Variants in LRRC4C observed in about 807,000 individuals in gnomAD.
The protein encoded by LRRC4C is leucine-rich repeat-containing protein 4C.
A neutral mutation model predicts 33.6 loss-of-function variants in LRRC4C; 5 were observed. The observed-to-expected ratio is 0.15, with a 90% CI of 0.08 to 0.31. LRRC4C has a LOEUF of 0.31. Among genes scored for constraint, LRRC4C ranks in the 10% least tolerant of loss-of-function variants. The pLI is 1.00. For missense variants in LRRC4C, 560 were observed against 796.7 expected (o/e 0.70, Z 3.58); for synonymous variants, 329 against 302.0 (o/e 1.09, Z -0.93).
intron 3 of LRRC4C, among the ~76,000 whole-genome samples, chr11:40,646,569 C>T (rs1213387901): frequency 6.6e-6 from 1 of 152,170 alleles, no homozygotes; most frequent in African/African-American, 2.4e-5. Context: ...GAAAAAAAGA[C>T]AATTACATAT....
At chr11:40,925,561 T>C (rs1440581328) in intron 2 of LRRC4C, among the ~76,000 whole-genome samples, 1 of 152,148 alleles carries the variant, frequency 6.6e-6, no homozygotes, top group East Asian at 1.9e-4. Context: ...ATTGAAGTTG[T>C]TTGTTCCACA....
intron 1 of LRRC4C, among the ~76,000 whole-genome samples, chr11:41,320,190 C>T (rs111688687): frequency 0.012 from 1,806 of 152,234 alleles, 42 homozygotes; most frequent in African/African-American, 0.041. Context: ...ATCTGTGCAA[C>T]TCTGCAACTT....
chr11:40,211,085 C>A (rs577591259), intron 5 of LRRC4C, among the ~76,000 whole-genome samples: 3 of 152,258 alleles, frequency 2.0e-5, no homozygotes, highest in Admixed American at 6.5e-5. Context: ...CCAAAAAATA[C>A]CATATCTTAT....
At chr11:41,051,520 CA>C (rs530003573) in intron 1 of LRRC4C, among the ~76,000 whole-genome samples, 3 of 60,286 alleles carry the variant, frequency 5.0e-5, no homozygotes, top group Non-Finnish European at 8.5e-5. Flanking sequence ...GGTCTCAAGG[CA>C]AAAAAAAAAA....
At chr11:40,154,051 T>A (rs1397903895) in intron 5 of LRRC4C, among the ~76,000 whole-genome samples, 4 of 152,038 alleles carry the variant, frequency 2.6e-5, no homozygotes, top group Non-Finnish European at 5.9e-5. Flanking sequence ...AGGTAACCTA[T>A]AAAGGAAAAT....
intron 1 of LRRC4C, among the ~76,000 whole-genome samples, chr11:41,380,156 T>C (rs1476973519): frequency 6.6e-6 from 1 of 152,182 alleles, no homozygotes; most frequent in Non-Finnish European, 1.5e-5. Flanking sequence ...AATAGAGTTT[T>C]ATTTAAAATT....
intron 1 of LRRC4C, among the ~76,000 whole-genome samples, chr11:41,334,171 T>C (rs1951379363): frequency 6.6e-6 from 1 of 152,194 alleles, no homozygotes; most frequent in African/African-American, 2.4e-5. Flanking sequence ...CTCTAAGTAC[T>C]GTTTTTGCTC....
Position 40,746,236 on chromosome 11 carries a change from T to A in LRRC4C, c.-406-97958A>T, listed in dbSNP as rs183650613. Among the ~76,000 whole-genome samples, 82 of 152,136 alleles carry A rather than the reference T, an allele frequency of 5.4e-4. No homozygotes were observed. The Middle Eastern group carries it at 0.01, about 19-fold the overall frequency. The stretch of plus-strand genomic sequence containing the variant: ...GCCCTAAAACTAACACTAGGAGCTG[T>A]CAGGAGACTGTGCAACGGCACCGCT... On this transcript the variant is annotated intron_variant, in intron 2 of 6. Transcript: ENST00000528697.
At chr11:41,179,135 TGA>T (rs951624404) in intron 1 of LRRC4C, among the ~76,000 whole-genome samples, 4 of 151,232 alleles carry the variant, frequency 2.6e-5, no homozygotes, top group Non-Finnish European at 5.9e-5. Flanking sequence ...TAATAAAGAA[TGA>T]GAGAGATAAA....
In LRRC4C at chr11:41,427,732, G is replaced by A. The variant is rs1233579430; in HGVS notation, c.-496+31699C>T. Among the ~76,000 whole-genome samples the A allele has an allele frequency of 2.0e-5, 3 of 152,128 alleles. No homozygotes were observed. The East Asian group carries it at 5.8e-4, about 29-fold the overall frequency. On this transcript the variant is annotated intron_variant, in intron 1 of 6. Transcript: ENST00000528697. The stretch of plus-strand genomic sequence containing the variant: ...CCTGTGACCTGCAAGTATACATCCA[G>A]ATGGCCTGAAGTAACTGAAGAATCA...
intron 3 of LRRC4C, among the ~76,000 whole-genome samples, chr11:40,504,959 A>T (rs1954960355): frequency 6.6e-6 from 1 of 152,204 alleles, no homozygotes; most frequent in African/African-American, 2.4e-5. Flanking sequence ...TAGCATATTT[A>T]AAAAATTCTT....
intron 1 of LRRC4C, among the ~76,000 whole-genome samples, chr11:41,012,777 A>T (rs1423601982): frequency 6.6e-6 from 1 of 152,164 alleles, no homozygotes; most frequent in African/African-American, 2.4e-5. Context: ...TATAGAAGAC[A>T]TTTTAACTGG....
At chr11:40,656,819 A>G (rs1367087020) in intron 2 of LRRC4C, among the ~76,000 whole-genome samples, 1 of 152,214 alleles carries the variant, frequency 6.6e-6, no homozygotes, top group Middle Eastern at 3.2e-3. Context: ...CCACAAGGCC[A>G]CCAAATTTGT....
chr11:41,372,475 A>C (rs1011243135), intron 1 of LRRC4C, among the ~76,000 whole-genome samples: 2 of 152,190 alleles, frequency 1.3e-5, no homozygotes, highest in Non-Finnish European at 2.9e-5. Context: ...GATCAGTTTT[A>C]CTTCAGCAGG....
intron 3 of LRRC4C, among the ~76,000 whole-genome samples, chr11:40,634,647 A>T (rs1565582558): frequency 6.6e-6 from 1 of 152,040 alleles, no homozygotes; most frequent in Non-Finnish European, 1.5e-5. Context: ...AGGCAGGAAG[A>T]TCCCTTGAGC....
intron 3 of LRRC4C, among the ~76,000 whole-genome samples, chr11:40,557,556 C>T (rs930598025): frequency 6.6e-5 from 10 of 152,148 alleles, no homozygotes; most frequent in Non-Finnish European, 1.3e-4. Context: ...ATTGTTATTA[C>T]ACTTTATCCA....
chr11:40,638,601 G>A (rs1941908697), intron 3 of LRRC4C, among the ~76,000 whole-genome samples: 1 of 152,092 alleles, frequency 6.6e-6, no homozygotes, highest in South Asian at 2.1e-4. Context: ...TTAATAACCT[G>A]TGGGATGCCA....
chr11:41,118,645 T>G (rs1942264619), intron 1 of LRRC4C, among the ~76,000 whole-genome samples: 1 of 152,202 alleles, frequency 6.6e-6, no homozygotes. Flanking sequence ...CTCTCTCTTC[T>G]CTGAAAAGAC....
intron 1 of LRRC4C, among the ~76,000 whole-genome samples, chr11:40,962,696 A>G (rs1343735170): frequency 6.6e-6 from 1 of 151,764 alleles, no homozygotes; most frequent in Admixed American, 6.6e-5. Flanking sequence ...GTAGAATATT[A>G]TTCACATCTT....
Sources: allele counts gnomAD v4.1 joint callset (sites outside exome capture counted in the v4.1 genomes callset), GRCh38; gene constraint gnomAD v4.1.1; transcripts MANE v1.5; gene names NCBI Gene and HGNC (gene_info 2026-07-23, HGNC 2026-07-21).